Variants in AAGAB observed in about 807,000 individuals in gnomAD.
The protein encoded by AAGAB is alpha and gamma adaptin binding protein, also known as alpha- and gamma-adaptin-binding protein p34.
A neutral mutation model predicts 44.1 loss-of-function variants in AAGAB; 38 were observed. That is an observed-to-expected ratio of 0.86 (90% CI 0.67 to 1.13). The LOEUF (loss-of-function observed/expected upper bound fraction) is 1.13. Among genes scored for constraint, AAGAB ranks in the 50% most tolerant of loss-of-function variants. The probability of loss-of-function intolerance (pLI) is 0.00; values close to 1 mark genes in which losing one functional copy is unlikely to be tolerated. For missense variants in AAGAB, 450 were observed against 373.8 expected (o/e 1.20, Z -1.68); for synonymous variants, 131 against 131.8 (o/e 0.99, Z 0.04).
At chr15:67,206,530 ATATT>A (rs1395578003) in intron 7 of AAGAB, among the ~76,000 whole-genome samples, 1 of 151,954 alleles carries the variant, frequency 6.6e-6, no homozygotes, top group African/African-American at 2.4e-5. Flanking sequence ...CATTCCTTCT[ATATT>A]TATTACTTGG....
chr15:67,236,377 T>TACCA (rs759156533), intron 3 of AAGAB, 31 bp downstream of exon 3: 6 of 1,585,398 alleles, frequency 3.8e-6, no homozygotes, highest in Non-Finnish European at 8.7e-7. Context: ...CAAATGCATG[T>TACCA]ACCAACTACT....
At chr15:67,243,446 C>T (rs902056214) in intron 1 of AAGAB, among the ~76,000 whole-genome samples, 13 of 152,222 alleles carry the variant, frequency 8.5e-5, no homozygotes, top group African/African-American at 3.1e-4. Flanking sequence ...AGCAGTGGTT[C>T]TCTATGGGGA....
chr15:67,234,770 C>T (rs1404341879), intron 4 of AAGAB, among the ~76,000 whole-genome samples: 1 of 152,174 alleles, frequency 6.6e-6, no homozygotes, highest in Non-Finnish European at 1.5e-5. Context: ...AGAAATCACA[C>T]AGGCTCACAT....
chr15:67,230,584 C>T (rs1964312244), intron 5 of AAGAB, among the ~76,000 whole-genome samples: 1 of 152,180 alleles, frequency 6.6e-6, no homozygotes, highest in African/African-American at 2.4e-5. Context: ...GACCATGGCC[C>T]TGCCAACACC....
intron 7 of AAGAB, among the ~76,000 whole-genome samples, chr15:67,205,540 A>T (rs1057127273): frequency 6.6e-6 from 1 of 152,222 alleles, no homozygotes; most frequent in African/African-American, 2.4e-5. Context: ...CCAAAGAAAG[A>T]GAAGGAATAA....
Position 67,203,606 on chromosome 15 carries a change from A to T in AAGAB, c.821-9T>A. ...AAGCGTCGCAGCCTTGTCTAGGGGG[A>T]AAATATATCTTAAGAAATTTGTCTA... On this transcript the variant is annotated splice_polypyrimidine_tract_variant and intron_variant, in intron 8 of 9. Transcript: ENST00000261880. 6.2e-7 allele frequency: 1 copy of T among 1,612,412 alleles called. No homozygotes were observed. The highest frequency in any genetic ancestry group is 1.7e-5 in the Admixed American group (1 of 59,980).
In AAGAB at chr15:67,218,249, G is replaced by A. The variant is rs947588357; in HGVS notation, c.536-8705C>T. Among the ~76,000 whole-genome samples, 5 of 152,104 alleles carry A rather than the reference G, an allele frequency of 3.3e-5. No individual in the cohort carries two copies. The East Asian group carries it at 9.6e-4, about 29-fold the overall frequency. On this transcript the variant is annotated intron_variant, in intron 5 of 9. Coordinates refer to ENST00000261880, the MANE Select transcript of AAGAB (RefSeq NM_024666.5). ...TTCTCTTCCTTGCTCTCTCCTCCAC[G>A]GTGGTAATTGTTAAAAGACCCACTG...
intron 5 of AAGAB, among the ~76,000 whole-genome samples, chr15:67,228,004 T>G (rs1964244479): frequency 6.6e-6 from 1 of 152,172 alleles, no homozygotes; most frequent in African/African-American, 2.4e-5. Flanking sequence ...AAATCCACAA[T>G]GTACCTCCTT....
chr15:67,244,421 T>C (rs924040771), intron 1 of AAGAB, among the ~76,000 whole-genome samples: 7 of 152,126 alleles, frequency 4.6e-5, no homozygotes, highest in African/African-American at 1.4e-4. Flanking sequence ...GAGAAAATGT[T>C]TGCAAATTAT....
intron 6 of AAGAB, 108 bp downstream of exon 6, chr15:67,209,354 T>A (rs1386718796): frequency 2.1e-6 from 2 of 974,060 alleles, no homozygotes; most frequent in Non-Finnish European, 3.2e-6. Context: ...TAACATTCTC[T>A]GTCACCTTTT....
chr15:67,219,268 G>A (rs952129028), intron 5 of AAGAB, among the ~76,000 whole-genome samples: 2 of 152,088 alleles, frequency 1.3e-5, no homozygotes, highest in Non-Finnish European at 2.9e-5. Context: ...TTTATGTATT[G>A]CACATTTATT....
At chr15:67,240,430 T>C (rs1343798967) in intron 1 of AAGAB, among the ~76,000 whole-genome samples, 1 of 152,228 alleles carries the variant, frequency 6.6e-6, no homozygotes, top group Non-Finnish European at 1.5e-5. Context: ...ATTCACACTG[T>C]TGGCAGCCAC....
intron 2 of AAGAB, 31 bp from the exon 3 acceptor site, chr15:67,236,535 A>G (rs1450375993): frequency 6.2e-7 from 1 of 1,609,732 alleles, no homozygotes; most frequent in Non-Finnish European, 8.5e-7. Flanking sequence ...AAACAAACAA[A>G]AACAGAAAAG....
intron 5 of AAGAB, chr15:67,220,409 C>G (rs748191274): frequency 2.0e-5 from 3 of 152,166 alleles, no homozygotes; most frequent in Non-Finnish European, 4.4e-5. Context: ...TAATATAAAC[C>G]AACACACTGT....
At position 67,236,019 on chromosome 15, in the gene AAGAB, T is replaced by G. The variant is rs776802938; in HGVS notation, c.411A>C (p.Glu137Asp). 4 of 1,613,670 alleles carry G rather than the reference T, an allele frequency of 2.5e-6. No homozygotes were observed. Among genetic ancestry groups the G allele is most frequent in the Non-Finnish European group, 3.4e-6 (4 of 1,179,758 alleles). Residue 137 changes from glutamate (E) to aspartate (D), a missense_variant, in exon 4 of 10, where the codon GAA (glutamate) becomes GAC (aspartate). Physicochemically the swap from Glu to Asp is conservative, Grantham distance 45. Coordinates refer to ENST00000261880, the MANE Select transcript of AAGAB (RefSeq NM_024666.5). ...AQEWCIKHGF[E>D]LVELSPEELP... is the part of the protein sequence containing the mutation. Reference sequence around the variant, plus strand: ...ACTCCTCTGGACTAAGTTCTACCAATTCAAAGCCATGTTTGATGCACCATT... The same window carrying G: ...ACTCCTCTGGACTAAGTTCTACCAAGTCAAAGCCATGTTTGATGCACCATT...
Position 67,241,631 on chromosome 15 carries a change from T to G in AAGAB, c.74-4811A>C, listed in dbSNP as rs1964602487. On this transcript the variant is annotated intron_variant, in intron 1 of 9. Transcript: ENST00000261880. ...GCTCTCTGCAAAGCCTTGGGCAGAT[T>G]AACCTCTCGGTGTCTCATTTCCTTA... 2.6e-5 allele frequency among the ~76,000 whole-genome samples: 4 copies of G among 152,086 alleles called. No individual in the cohort carries two copies. The South Asian group carries it at 8.3e-4, about 32-fold the overall frequency.
rs985950921 is a variant in AAGAB, at chr15:67,231,893, G to C, written c.456C>G (p.Asp152Glu). Residue 152 changes from aspartate (D) to glutamate (E), a missense_variant, in exon 5 of 10, where the codon GAC becomes GAG. Transcript: ENST00000261880. ...SPEELPEEDD[D>E]FPESTGVKRI... ...GCTTTACTCCTGTAGATTCTGGGAA[G>C]TCATCTAATCAGGGAGGGGAAATAT... is the stretch of plus-strand genomic sequence containing the variant. 4 of 1,606,772 alleles carry C rather than the reference G, an allele frequency of 2.5e-6. No individual in the cohort carries two copies. The highest frequency in any genetic ancestry group is 3.4e-6 in the Non-Finnish European group (4 of 1,173,766).
intron 5 of AAGAB, among the ~76,000 whole-genome samples, chr15:67,224,862 T>A (rs762404090): frequency 5.3e-5 from 8 of 152,206 alleles, no homozygotes; most frequent in African/African-American, 1.9e-4. Context: ...ATTACAGGCA[T>A]GAGCCACCGC....
chr15:67,240,412 C>A (rs972933782), intron 1 of AAGAB, among the ~76,000 whole-genome samples: 35 of 152,306 alleles, frequency 2.3e-4, no homozygotes, highest in African/African-American at 8.2e-4. Context: ...TCGATGCCAG[C>A]CTGTCTCATT....
Sources: allele counts gnomAD v4.1 joint callset (sites outside exome capture counted in the v4.1 genomes callset), GRCh38; gene constraint gnomAD v4.1.1; transcripts MANE v1.5; gene names NCBI Gene and HGNC (gene_info 2026-07-23, HGNC 2026-07-21).